The following CMC2 variants were observed in gnomAD, a reference collection of about 807,000 sequenced individuals.
CMC2 encodes the protein C-X9-C motif containing 2, also known as COX assembly mitochondrial protein 2 homolog.
A neutral mutation model predicts 7.5 loss-of-function variants in CMC2; 5 were observed. The observed-to-expected ratio is 0.66, with a 90% CI of 0.35 to 1.40. The LOEUF is 1.40. Ranked by LOEUF, CMC2 falls within the 40% of genes most tolerant of loss-of-function variation. The probability of loss-of-function intolerance (pLI) is 0.04; values close to 1 mark genes in which losing one functional copy is unlikely to be tolerated. For missense variants in CMC2, 115 were observed against 92.3 expected (o/e 1.25, Z -1.01); for synonymous variants, 37 against 31.4 (o/e 1.18, Z -0.60).
intron 3 of CMC2, 122 bp from the exon 4 acceptor site, chr16:80,976,301 T>C: frequency 1.7e-6 from 1 of 589,152 alleles, no homozygotes; most frequent in Non-Finnish European, 3.0e-6. Flanking sequence ...GGGTTTAAAT[T>C]TTTTAAACAT....
At chr16:80,982,998 G>C (rs1159464996) in intron 2 of CMC2, 2 of 187,308 alleles carry the variant, frequency 1.1e-5, no homozygotes, top group East Asian at 3.2e-4. Flanking sequence ...GTCTGCAGCT[G>C]TGGTTACCTA....
At chr16:80,994,426 A>G (rs1968245181) in intron 2 of CMC2, among the ~76,000 whole-genome samples, 1 of 13,518 alleles carries the variant, frequency 7.4e-5, no homozygotes, top group Non-Finnish European at 2.9e-4. Flanking sequence ...CACATCCTAA[A>G]GGAAGTAAAA....
intron 1 of CMC2, among the ~76,000 whole-genome samples, chr16:81,000,427 C>T (rs577507576): frequency 3.5e-4 from 54 of 152,186 alleles, no homozygotes; most frequent in Non-Finnish European, 6.8e-4. Context: ...ACCCAGGAGG[C>T]GGAGGTTGCA....
At chr16:80,981,748 A>C (rs551245510) in intron 3 of CMC2, 58 bp downstream of exon 3, 7 of 1,147,542 alleles carry the variant, frequency 6.1e-6, no homozygotes, top group Non-Finnish European at 8.9e-6. Flanking sequence ...AATACACAAT[A>C]TTCAAAAATG....
chr16:80,982,171 A>T, intron 2 of CMC2: 1 of 223,630 alleles, frequency 4.5e-6, no homozygotes, highest in African/African-American at 2.3e-5. Flanking sequence ...AGAAATATCA[A>T]AAAAATTTAA....
intron 2 of CMC2, chr16:80,982,170 A>C (rs1967169574): frequency 9.0e-6 from 2 of 222,032 alleles, no homozygotes; most frequent in South Asian, 2.3e-4. Context: ...TAGAAATATC[A>C]AAAAAATTTA....
At chr16:80,988,470 C>T in intron 2 of CMC2, 1 of 674,726 alleles carries the variant, frequency 1.5e-6, no homozygotes, top group Admixed American at 2.3e-5. Context: ...AAGAAAAGTT[C>T]CAAGAACAGT....
intron 2 of CMC2, among the ~76,000 whole-genome samples, chr16:80,987,333 G>C (rs1967621488): frequency 6.6e-6 from 1 of 152,120 alleles, no homozygotes; most frequent in Admixed American, 6.6e-5. Flanking sequence ...TTTTTAAATG[G>C]TGGAAAAACC....
At chr16:80,982,192 C>T (rs551452263) in intron 2 of CMC2, 6 of 206,560 alleles carry the variant, frequency 2.9e-5, no homozygotes, top group African/African-American at 4.6e-5. Flanking sequence ...GAGAAAGATA[C>T]GGCATAAATG....
intron 1 of CMC2, among the ~76,000 whole-genome samples, chr16:81,000,519 AT>A (rs1423324367): frequency 1.3e-5 from 2 of 152,150 alleles, no homozygotes; most frequent in Non-Finnish European, 2.9e-5. Context: ...AAATAAACAA[AT>A]TTTAAAAAAA....
Position 80,968,489 on chromosome 16 carries a change from A to T in CMC2, c.*7604T>A, listed in dbSNP as rs918906077. The T allele has an allele frequency of 6.6e-6, 1 of 152,208 alleles. No homozygotes were observed. Among genetic ancestry groups the T allele is most frequent in the Non-Finnish European group, 1.5e-5 (1 of 68,052 alleles). The allele number at this position is 152,208 out of a possible 1,614,324, so 9.4% of individuals were successfully genotyped here. On this transcript the variant is annotated 3_prime_UTR_variant, in exon 4 of 4. Coordinates refer to ENST00000219400, the MANE Select transcript of CMC2 (RefSeq NM_020188.5). ...AGGTCTCTGAACAGAAGATGCTCTT[A>T]TAACTCCTCTCTTTGCCATGCCCTC...
intron 1 of CMC2, chr16:80,997,635 G>C (rs1256193310): frequency 2.9e-6 from 1 of 349,740 alleles, no homozygotes; most frequent in Non-Finnish European, 5.2e-6. Context: ...GTAGTATTTA[G>C]AGAACCTACA....
intron 3 of CMC2, among the ~76,000 whole-genome samples, chr16:80,979,665 G>A (rs112287051): frequency 0.024 from 3,608 of 151,708 alleles, 131 homozygotes; most frequent in African/African-American, 0.082. Context: ...CTGTCACCCA[G>A]GCTAGAATGC....
rs916574489 is a variant in CMC2, at chr16:80,967,892, A to G, written c.*8201T>C. ...AGATTTTGCTGTCATATTCAATGAC[A>G]ACATACCATATTAACGCTTCCTATT... On this transcript the variant is annotated 3_prime_UTR_variant, in exon 4 of 4. Transcript: ENST00000219400. The G allele has an allele frequency of 3.9e-5, 6 of 152,248 alleles. No homozygotes were observed. Among genetic ancestry groups the G allele is most frequent in the African/African-American group, 1.2e-4 (5 of 41,478 alleles). The allele number at this position is 152,248 out of a possible 1,614,324, so 9.4% of individuals were successfully genotyped here.
rs375780601 is a variant in CMC2 at position 80,976,037 on chromosome 16, A to T, written c.*56T>A. On this transcript the variant is annotated 3_prime_UTR_variant, in exon 4 of 4. Transcript: ENST00000219400. ...CAAATAAGACAGGATTCTTTCAGGTATCAACCCAGAGTCTTTAGGTCTTCT... is the reference window on the plus strand; with the variant it reads ...CAAATAAGACAGGATTCTTTCAGGTTTCAACCCAGAGTCTTTAGGTCTTCT... The T allele has an allele frequency of 6.3e-6, 6 of 956,912 alleles. No individual in the cohort carries two copies. The South Asian group carries it at 6.6e-5, about 10-fold the overall frequency. 59.3% of individuals were successfully genotyped at this position (956,912 alleles called of 1,614,324 possible). A position where few individuals can be genotyped will look rare whatever the true frequency, so the allele number is the denominator to read the frequency against.
Position 80,981,728 on chromosome 16 carries a change from T to G in CMC2, c.153+78A>C, listed in dbSNP as rs193287244. On this transcript the variant is annotated intron_variant, in intron 3 of 3. Transcript: ENST00000219400. ...ACACTAAAATGTGGGAAAAATTCAA[T>G]AATGGCAGTAATACACAATATTCAA... is the stretch of plus-strand genomic sequence containing the variant. 1.3e-5 allele frequency: 11 copies of G among 852,338 alleles called. No homozygotes were observed. In the African/African-American group the frequency reaches 1.9e-4, roughly 15 times the overall value. The allele number at this position is 852,338 out of a possible 1,614,324, so 52.8% of individuals were successfully genotyped here.
intron 3 of CMC2, among the ~76,000 whole-genome samples, chr16:80,978,999 T>G (rs896949304): frequency 6.6e-6 from 1 of 151,856 alleles, no homozygotes; most frequent in Non-Finnish European, 1.5e-5. Flanking sequence ...GAGAATGGCG[T>G]GAACCCGGGA....
At chr16:81,001,785 T>C (rs2151653551) in intron 1 of CMC2, among the ~76,000 whole-genome samples, 1 of 152,280 alleles carries the variant, frequency 6.6e-6, no homozygotes, top group Admixed American at 6.5e-5. Context: ...ATAGCTACTA[T>C]TTCAATTGCA....
At chr16:80,997,453 A>G in intron 1 of CMC2, 24 bp from the exon 2 acceptor site, 1 of 1,204,818 alleles carries the variant, frequency 8.3e-7, no homozygotes, top group Non-Finnish European at 1.2e-6. Flanking sequence ...AGTGTCTTGA[A>G]TATGCATAAA....
Sources: gnomAD v4.1 joint callset for allele counts (sites outside exome capture counted in the v4.1 genomes callset) on GRCh38, gnomAD v4.1.1 for gene constraint, MANE v1.5 for transcripts, NCBI Gene and HGNC (gene_info 2026-07-23, HGNC 2026-07-21) for gene names.